Variants in ZNF804A observed in about 807,000 individuals in gnomAD.
ZNF804A encodes zinc finger protein 804A.
Under a neutral mutation model 16.5 loss-of-function variants are expected in ZNF804A, and 2 were observed. That is an observed-to-expected ratio of 0.12 (90% CI 0.05 to 0.38). The LOEUF (loss-of-function observed/expected upper bound fraction) is 0.38, where lower values mean the gene tolerates loss of function less well. Ranked by LOEUF, ZNF804A falls within the 10% of genes least tolerant of loss-of-function variation. The probability of loss-of-function intolerance (pLI) is 0.99; values close to 1 mark genes in which losing one functional copy is unlikely to be tolerated. For synonymous variants in ZNF804A, 534 were observed against 489.6 expected, an observed-to-expected ratio of 1.09 and a Z score of -1.20; for missense variants, 1,473 against 1,390.7, an observed-to-expected ratio of 1.06 and a Z score of -0.94.
intron 2 of ZNF804A, among the ~76,000 whole-genome samples, chr2:184,919,990 A>G (rs1685505209): frequency 6.6e-6 from 1 of 152,040 alleles, no homozygotes; most frequent in Non-Finnish European, 1.5e-5. Flanking sequence ...TGGCATGTGC[A>G]TGTAGTTCCA....
At chr2:184,782,450 A>AT (rs1168618512) in intron 1 of ZNF804A, among the ~76,000 whole-genome samples, 1 of 151,298 alleles carries the variant, frequency 6.6e-6, no homozygotes, top group Non-Finnish European at 1.5e-5. Flanking sequence ...AAATAAACAA[A>AT]ACAACAACAA....
intron 1 of ZNF804A, among the ~76,000 whole-genome samples, chr2:184,645,604 T>C (rs1450129608): frequency 6.6e-6 from 1 of 152,178 alleles, no homozygotes; most frequent in East Asian, 1.9e-4. Flanking sequence ...ATTATTGGAA[T>C]ATAATAGGTA....
At chr2:184,843,771 A>G (rs1423993062) in intron 1 of ZNF804A, among the ~76,000 whole-genome samples, 1 of 152,074 alleles carries the variant, frequency 6.6e-6, no homozygotes, top group African/African-American at 2.4e-5. Context: ...CTGATTATGT[A>G]TATTTAAAGT....
intron 1 of ZNF804A, among the ~76,000 whole-genome samples, chr2:184,819,345 G>T (rs1695035394): frequency 6.6e-6 from 1 of 152,010 alleles, no homozygotes; most frequent in Admixed American, 6.6e-5. Flanking sequence ...AATCAAGGCA[G>T]AAATCAAGAA....
At chr2:184,830,422 A>G (rs1300174158) in intron 1 of ZNF804A, among the ~76,000 whole-genome samples, 1 of 152,146 alleles carries the variant, frequency 6.6e-6, no homozygotes, top group Admixed American at 6.6e-5. Flanking sequence ...GTTTAATAAT[A>G]GAGAGATTTT....
intron 1 of ZNF804A, among the ~76,000 whole-genome samples, chr2:184,806,412 C>T (rs1430375795): frequency 6.6e-6 from 1 of 151,774 alleles, no homozygotes; most frequent in African/African-American, 2.4e-5. Flanking sequence ...TGGATATAAA[C>T]ATTTCATCAA....
chr2:184,919,273 C>A lies in ZNF804A; in HGVS notation c.256-14330C>A, dbSNP rs185638786. 9.8e-5 allele frequency among the ~76,000 whole-genome samples: 15 copies of A among 152,306 alleles called. No homozygotes were observed. The East Asian group carries it at 2.7e-3, about 27-fold the overall frequency. ...AAAGCCATCCAATGTACTCAACCTG[C>A]CACCAGGCAGCTGGCTGATCATTCC... On this transcript the variant is annotated intron_variant, in intron 2 of 3. Coordinates refer to ENST00000302277, the MANE Select transcript of ZNF804A (RefSeq NM_194250.2).
At chr2:184,743,913 T>G (rs959633494) in intron 1 of ZNF804A, among the ~76,000 whole-genome samples, 1 of 151,968 alleles carries the variant, frequency 6.6e-6, no homozygotes, top group Non-Finnish European at 1.5e-5. Flanking sequence ...GATTTAGTAG[T>G]ATAAGAAGTA....
chr2:184,796,041 C>T (rs1694625612), intron 1 of ZNF804A, among the ~76,000 whole-genome samples: 1 of 151,980 alleles, frequency 6.6e-6, no homozygotes, highest in South Asian at 2.1e-4. Flanking sequence ...ATATGTTATG[C>T]CATCCCTGTA....
At chr2:184,874,369 C>G (rs1315805552) in intron 2 of ZNF804A, among the ~76,000 whole-genome samples, 1 of 152,062 alleles carries the variant, frequency 6.6e-6, no homozygotes, top group Non-Finnish European at 1.5e-5. Context: ...TTGCATACAT[C>G]TCACATCACA....
At chr2:184,764,061 T>C (rs1251437116) in intron 1 of ZNF804A, among the ~76,000 whole-genome samples, 2 of 152,164 alleles carry the variant, frequency 1.3e-5, no homozygotes, top group African/African-American at 2.4e-5. Flanking sequence ...AAACACATAT[T>C]CAGTTTTCAA....
intron 2 of ZNF804A, among the ~76,000 whole-genome samples, chr2:184,877,341 T>A (rs1684723015): frequency 1.3e-5 from 2 of 152,106 alleles, no homozygotes; most frequent in Admixed American, 1.3e-4. Context: ...TGGGAATTAT[T>A]CTTAGTAAGT....
At chr2:184,930,167 G>C (rs1025249451) in intron 2 of ZNF804A, among the ~76,000 whole-genome samples, 2 of 152,076 alleles carry the variant, frequency 1.3e-5, no homozygotes, top group African/African-American at 4.8e-5. Context: ...ATTACTTTAA[G>C]TTTTTAAGAA....
chr2:184,688,374 G>T (rs549320387), intron 1 of ZNF804A, among the ~76,000 whole-genome samples: 4 of 142,926 alleles, frequency 2.8e-5, no homozygotes, highest in Non-Finnish European at 4.6e-5. Context: ...GTGTGTGTAC[G>T]TGTGTCTCCA....
intron 1 of ZNF804A, among the ~76,000 whole-genome samples, chr2:184,859,544 T>G (rs1337249853): frequency 2.0e-5 from 3 of 152,210 alleles, no homozygotes; most frequent in Non-Finnish European, 4.4e-5. Flanking sequence ...TAAAGTTCAC[T>G]GAGCTTCCTT....
At chr2:184,766,040 G>A (rs1399955536) in intron 1 of ZNF804A, among the ~76,000 whole-genome samples, 1 of 151,956 alleles carries the variant, frequency 6.6e-6, no homozygotes, top group Non-Finnish European at 1.5e-5. Context: ...CATGTTTCTG[G>A]CATTTCTTTT....
At chr2:184,629,194 A>T (rs745895254) in intron 1 of ZNF804A, among the ~76,000 whole-genome samples, 6 of 152,104 alleles carry the variant, frequency 3.9e-5, no homozygotes, top group African/African-American at 4.8e-5. Context: ...TATGTGTTGA[A>T]AACCTCTTTT....
chr2:184,714,963 T>G (rs559898608), intron 1 of ZNF804A, among the ~76,000 whole-genome samples: 12 of 152,302 alleles, frequency 7.9e-5, no homozygotes, highest in African/African-American at 2.4e-4. Flanking sequence ...TATTGAAGGA[T>G]GAGTCTTCAA....
intron 2 of ZNF804A, among the ~76,000 whole-genome samples, chr2:184,911,614 T>A (rs1488576458): frequency 6.6e-6 from 1 of 151,534 alleles, no homozygotes; most frequent in Non-Finnish European, 1.5e-5. Context: ...GCATGGAATT[T>A]TTTTTTATTT....
Sources: allele counts gnomAD v4.1 joint callset (sites outside exome capture counted in the v4.1 genomes callset), GRCh38; gene constraint gnomAD v4.1.1; transcripts MANE v1.5; gene names NCBI Gene and HGNC (gene_info 2026-07-23, HGNC 2026-07-21).